SCRN3: variants seen among roughly 807,000 people sequenced by gnomAD.
The protein encoded by SCRN3 is secernin 3.
SCRN3 carries 39 observed loss-of-function variants against 43.1 expected under a neutral mutation model. The observed-to-expected ratio is 0.91, with a 90% CI of 0.70 to 1.18. SCRN3 has a LOEUF of 1.18. Ranked by LOEUF, SCRN3 falls within the 50% of genes most tolerant of loss-of-function variation. The pLI is 0.00. For missense variants in SCRN3, 484 were observed against 498.0 expected (o/e 0.97, Z 0.27); for synonymous variants, 147 against 163.1 (o/e 0.90, Z 0.75).
At chr2:174,412,029 G>GTC (rs139230285) in intron 5 of SCRN3, among the ~76,000 whole-genome samples, 82 of 151,826 alleles carry the variant, frequency 5.4e-4, no homozygotes, top group South Asian at 1.0e-3. Context: ...ACTCTACTCT[G>GTC]TCTCTCTCTC....
At chr2:174,398,463 G>A in intron 2 of SCRN3, 21 bp downstream of exon 2, 1 of 1,572,716 alleles carries the variant, frequency 6.4e-7, no homozygotes, top group South Asian at 1.2e-5. Context: ...TAAATGTTTT[G>A]TTAGCAATAT....
At chr2:174,418,474 G>A (rs568631016) in intron 5 of SCRN3, among the ~76,000 whole-genome samples, 2 of 152,180 alleles carry the variant, frequency 1.3e-5, no homozygotes, top group Non-Finnish European at 2.9e-5. Context: ...AGCTTAAATT[G>A]CAATGAAATT....
chr2:174,411,359 C>T (rs1685910759), intron 5 of SCRN3, among the ~76,000 whole-genome samples: 2 of 152,092 alleles, frequency 1.3e-5, no homozygotes, highest in African/African-American at 4.8e-5. Context: ...ATGTATTTGC[C>T]ACTGAAAATA....
chr2:174,423,328 T>G (rs1686360820), intron 6 of SCRN3, among the ~76,000 whole-genome samples: 1 of 152,240 alleles, frequency 6.6e-6, no homozygotes, highest in African/African-American at 2.4e-5. Flanking sequence ...TAGATTTTCT[T>G]ACTCACATTT....
chr2:174,400,254 T>A lies in SCRN3; in HGVS notation c.341+151T>A, dbSNP rs562998939. On this transcript the variant is annotated intron_variant, in intron 3 of 7. Transcript: ENST00000272732. ...TTTAAAGTACCGGCATGCAATTTCA[T>A]GACTCTCAGTTTTGTTTGGTTTTTT... The A allele has an allele frequency of 2.9e-5, 16 of 550,236 alleles. No individual in the cohort carries two copies. The Admixed American group carries it at 6.6e-4, about 23-fold the overall frequency. The allele number at this position is 550,236 out of a possible 1,614,324, so 34.1% of individuals were successfully genotyped here. A position where few individuals can be genotyped will look rare whatever the true frequency, so the allele number is the denominator to read the frequency against.
chr2:174,409,248 C>T (rs1184239772), intron 5 of SCRN3, among the ~76,000 whole-genome samples: 8 of 133,362 alleles, frequency 6.0e-5, no homozygotes, highest in Non-Finnish European at 8.5e-5. Context: ...CAGTTGATCG[C>T]GTCGGCTCCT....
chr2:174,410,843 A>C lies in SCRN3; in HGVS notation c.754+6528A>C, dbSNP rs542122873. On this transcript the variant is annotated intron_variant, in intron 5 of 7. Coordinates refer to ENST00000272732, the MANE Select transcript of SCRN3 (RefSeq NM_024583.5). ...TAAACATTCAAGACATATATAGCTA[A>C]GTTCAAATACAAGAAGAGAAAATCA... is the stretch of plus-strand genomic sequence containing the variant. Among the ~76,000 whole-genome samples the C allele has an allele frequency of 8.3e-4, 126 of 152,334 alleles. 1 individual carries two copies. The South Asian group carries it at 0.019, about 23-fold the overall frequency.
At chr2:174,402,705 G>A (rs1227143389) in intron 4 of SCRN3, among the ~76,000 whole-genome samples, 1 of 152,044 alleles carries the variant, frequency 6.6e-6, no homozygotes, top group Non-Finnish European at 1.5e-5. Flanking sequence ...AGAAAAGAGG[G>A]AAGGAGAAGG....
intron 5 of SCRN3, among the ~76,000 whole-genome samples, chr2:174,405,821 CT>C (rs1474074993): frequency 1.3e-5 from 2 of 150,290 alleles, no homozygotes; most frequent in Non-Finnish European, 3.0e-5. Flanking sequence ...ATCTATATCT[CT>C]GTTTTGGTAC....
At chr2:174,411,319 C>T (rs1487751288) in intron 5 of SCRN3, among the ~76,000 whole-genome samples, 2 of 151,692 alleles carry the variant, frequency 1.3e-5, no homozygotes, top group South Asian at 2.1e-4. Context: ...ATTTCCCATC[C>T]AAATGGGAAA....
chr2:174,410,824 T>C (rs1685891618), intron 5 of SCRN3, among the ~76,000 whole-genome samples: 1 of 152,162 alleles, frequency 6.6e-6, no homozygotes, highest in Admixed American at 6.5e-5. Context: ...TATTTAAACA[T>C]TCAAGACATA....
At chr2:174,412,643 G>A (rs1227599652) in intron 5 of SCRN3, among the ~76,000 whole-genome samples, 1 of 152,164 alleles carries the variant, frequency 6.6e-6, no homozygotes, top group African/African-American at 2.4e-5. Flanking sequence ...AGGCTCTGTT[G>A]TTCTAGCTAG....
chr2:174,427,790 A>G lies in SCRN3; in HGVS notation c.1170A>G (p.Gln390=). ...TCAGAGAGATGGAATCAATCCTTCA[A>G]AACAAGCATCTTGATGTGGAGAAAA... is the stretch of plus-strand genomic sequence containing the variant. ...ELFREMESIL[Q]NKHLDVEKIV... is the part of the protein sequence containing the mutation. The change falls in exon 8 of 8, where the codon CAA becomes CAG. Residue 390 remains glutamine (Q), a synonymous_variant. Transcript: ENST00000272732. 1.9e-6 allele frequency: 3 copies of G among 1,612,356 alleles called. No homozygotes were observed. Among genetic ancestry groups the G allele is most frequent in the Non-Finnish European group, 2.5e-6 (3 of 1,178,628 alleles).
rs1686575595 is a variant in SCRN3 at position 174,428,903 on chromosome 2, T to C, written c.*1008T>C. ...CAACTGAAAATAACACTAAGTATTT[T>C]TGAGTTCCTAGAATGTCCATTTTGG... On this transcript the variant is annotated 3_prime_UTR_variant, in exon 8 of 8. Coordinates refer to ENST00000272732, the MANE Select transcript of SCRN3 (RefSeq NM_024583.5). The C allele has an allele frequency of 6.6e-6, 1 of 152,188 alleles. No individual in the cohort carries two copies. The highest frequency in any genetic ancestry group is 2.1e-4 in the South Asian group (1 of 4,828). 9.4% of individuals were successfully genotyped at this position (152,188 alleles called of 1,614,324 possible).
Position 174,424,567 on chromosome 2 carries a change from A to T in SCRN3, c.1010A>T (p.Lys337Met). The change falls in exon 7 of 8, where the codon AAG (lysine) becomes ATG (methionine). Residue 337 changes from lysine (K) to methionine (M), a missense_variant. Transcript: ENST00000272732. Reference sequence around the variant, plus strand: ...TTTGAACTTGAAGATCTAGTTAAAAAGAAATCACATTTTAAGCCTGACAGA... The same window carrying T: ...TTTGAACTTGAAGATCTAGTTAAAATGAAATCACATTTTAAGCCTGACAGA... ...PTFELEDLVK[K>M]KSHFKPDRRH... The T allele has an allele frequency of 6.2e-7, 1 of 1,613,442 alleles. No individual in the cohort carries two copies. The highest frequency in any genetic ancestry group is 1.3e-5 in the African/African-American group (1 of 75,040).
In SCRN3 at chr2:174,428,260, CA is replaced by C. The variant is rs1348018342; in HGVS notation, c.*368del. 6.5e-6 allele frequency: 1 copy of C among 154,004 alleles called. No individual in the cohort carries two copies. The highest frequency in any genetic ancestry group is 6.5e-5 in the Admixed American group (1 of 15,310). 9.5% of individuals were successfully genotyped at this position (154,004 alleles called of 1,614,324 possible). On this transcript the variant is annotated 3_prime_UTR_variant, in exon 8 of 8. Coordinates refer to ENST00000272732, the MANE Select transcript of SCRN3 (RefSeq NM_024583.5). The stretch of plus-strand genomic sequence containing the variant: ...ATTTATTATAATTATGTAGTACCCT[CA>C]AATCATTTTGTCAGTTACATCAAGA...
At chr2:174,398,011 C>G (rs1292293675) in intron 1 of SCRN3, among the ~76,000 whole-genome samples, 1 of 151,908 alleles carries the variant, frequency 6.6e-6, no homozygotes, top group Non-Finnish European at 1.5e-5. Context: ...GCCTGTAATC[C>G]CAGGGCTTTG....
At chr2:174,422,353 C>A (rs1038144021) in intron 5 of SCRN3, among the ~76,000 whole-genome samples, 1 of 152,142 alleles carries the variant, frequency 6.6e-6, no homozygotes, top group African/African-American at 2.4e-5. Context: ...TGGGGAGGAT[C>A]ACCTGAGGTC....
intron 4 of SCRN3, among the ~76,000 whole-genome samples, chr2:174,402,593 T>C (rs1685544099): frequency 6.6e-6 from 1 of 151,772 alleles, no homozygotes; most frequent in South Asian, 2.1e-4. Flanking sequence ...GAGGCTGAGG[T>C]GGGGAGGATA....
Sources: allele counts gnomAD v4.1 joint callset (sites outside exome capture counted in the v4.1 genomes callset), GRCh38; gene constraint gnomAD v4.1.1; transcripts MANE v1.5; gene names NCBI Gene and HGNC (gene_info 2026-07-23, HGNC 2026-07-21).